Variants in CRADD observed in about 807,000 individuals in gnomAD.
CRADD encodes the protein CARD and death domain containing adaptor protein.
Under a neutral mutation model 15.5 loss-of-function variants are expected in CRADD, and 9 were observed. The observed-to-expected ratio is 0.58, with a 90% CI of 0.35 to 1.01. The LOEUF (loss-of-function observed/expected upper bound fraction) is 1.01, where lower values mean the gene tolerates loss of function less well. Ranked by LOEUF, CRADD falls within the 50% of genes least tolerant of loss-of-function variation. The probability of loss-of-function intolerance (pLI) is 0.02; values close to 1 mark genes in which losing one functional copy is unlikely to be tolerated. For synonymous variants in CRADD, 118 were observed against 107.6 expected (o/e 1.10, Z -0.60); for missense variants, 227 against 250.3 (o/e 0.91, Z 0.63).
chr12:93,694,591 A>C (rs1955655519), intron 2 of CRADD, among the ~76,000 whole-genome samples: 1 of 152,268 alleles, frequency 6.6e-6, no homozygotes, highest in East Asian at 1.9e-4. Flanking sequence ...CTACCAAAAA[A>C]CTATTAGAAC....
chr12:93,747,240 A>C (rs1266878958), intron 2 of CRADD, among the ~76,000 whole-genome samples: 1 of 152,164 alleles, frequency 6.6e-6, no homozygotes, highest in African/African-American at 2.4e-5. Flanking sequence ...GAGTGTTTCC[A>C]TCAGGCTGGA....
chr12:93,763,505 T>C (rs1956993204), intron 2 of CRADD, among the ~76,000 whole-genome samples: 1 of 152,192 alleles, frequency 6.6e-6, no homozygotes, highest in African/African-American at 2.4e-5. Flanking sequence ...TTTTCGAATC[T>C]GAAATAATGA....
At chr12:93,681,330 A>G (rs1955293174) in intron 2 of CRADD, among the ~76,000 whole-genome samples, 1 of 152,238 alleles carries the variant, frequency 6.6e-6, no homozygotes, top group South Asian at 2.1e-4. Context: ...TGGGAAAAAA[A>G]TTGAGCATAT....
At chr12:93,820,737 G>A (rs1957760531) in intron 2 of CRADD, among the ~76,000 whole-genome samples, 2 of 152,086 alleles carry the variant, frequency 1.3e-5, no homozygotes, top group African/African-American at 4.8e-5. Context: ...ACAGCAGTCG[G>A]GATGGATTTG....
intron 2 of CRADD, among the ~76,000 whole-genome samples, chr12:93,790,999 T>C (rs900869847): frequency 6.6e-6 from 1 of 151,678 alleles, no homozygotes; most frequent in African/African-American, 2.4e-5. Flanking sequence ...TGCCTTTTCA[T>C]TCATACATTG....
chr12:93,831,196 T>G (rs1008557754), intron 2 of CRADD: 3 of 153,500 alleles, frequency 2.0e-5, no homozygotes, highest in African/African-American at 7.2e-5. Flanking sequence ...TGCACTAAGT[T>G]CGGCATCAAT....
At chr12:93,684,407 A>G (rs1372115884) in intron 2 of CRADD, among the ~76,000 whole-genome samples, 1 of 152,148 alleles carries the variant, frequency 6.6e-6, no homozygotes, top group African/African-American at 2.4e-5. Flanking sequence ...CTCCTATGAG[A>G]GTCTAATGCC....
chr12:93,833,685 T>C (rs931990988), intron 2 of CRADD, among the ~76,000 whole-genome samples: 1 of 152,198 alleles, frequency 6.6e-6, no homozygotes, highest in Admixed American at 6.5e-5. Context: ...TAATTTTACC[T>C]GATTTTAACT....
At chr12:93,704,538 C>T (rs1004743407) in intron 2 of CRADD, among the ~76,000 whole-genome samples, 8 of 152,220 alleles carry the variant, frequency 5.3e-5, no homozygotes, top group African/African-American at 1.9e-4. Context: ...CCAAATCTGT[C>T]TACTTGAGTC....
intron 2 of CRADD, among the ~76,000 whole-genome samples, chr12:93,718,441 A>G (rs1956200683): frequency 6.6e-6 from 1 of 152,092 alleles, no homozygotes; most frequent in South Asian, 2.1e-4. Flanking sequence ...ATGTGTTTTT[A>G]ATTTTTAATT....
In CRADD at chr12:93,721,003, C is replaced by T. The variant is rs563960734; in HGVS notation, c.298+41931C>T. Among the ~76,000 whole-genome samples the T allele has an allele frequency of 2.6e-4, 39 of 152,160 alleles. No individual in the cohort carries two copies. The South Asian group carries it at 7.9e-3, about 31-fold the overall frequency. The stretch of plus-strand genomic sequence containing the variant: ...GTTTTTTGTTTCTATTTTTATCTTC[C>T]ACACTTTTTTGCCTTTTATGGTTTA... On this transcript the variant is annotated intron_variant, in intron 2 of 2. Transcript: ENST00000332896.
chr12:93,710,224 A>G (rs1412419340), intron 2 of CRADD, among the ~76,000 whole-genome samples: 1 of 151,938 alleles, frequency 6.6e-6, no homozygotes, highest in East Asian at 1.9e-4. Context: ...TGTGCACTAG[A>G]GTTCCTTAGT....
chr12:93,682,828 T>C (rs1348526747), intron 2 of CRADD, among the ~76,000 whole-genome samples: 2 of 152,068 alleles, frequency 1.3e-5, no homozygotes, highest in Non-Finnish European at 2.9e-5. Flanking sequence ...AAAAAAAGGT[T>C]TAAGTTGTTA....
intron 2 of CRADD, among the ~76,000 whole-genome samples, chr12:93,814,349 ACT>A (rs535892884): frequency 2.8e-4 from 43 of 152,016 alleles, no homozygotes; most frequent in South Asian, 1.9e-3. Context: ...AGCCAGCTTC[ACT>A]CTCTGTTCAT....
chr12:93,847,215 C>T lies in CRADD; in HGVS notation c.299-2755C>T, dbSNP rs532334487. 5.3e-5 allele frequency among the ~76,000 whole-genome samples: 8 copies of T among 152,180 alleles called. No individual in the cohort carries two copies. In the South Asian group the frequency reaches 1.7e-3, roughly 32 times the overall value. On this transcript the variant is annotated intron_variant, in intron 2 of 2. Coordinates refer to ENST00000332896, the MANE Select transcript of CRADD (RefSeq NM_003805.5). ...CCTCAGACAGGAAAAGCAAGTTACACAAAATACTGGATGACTAAGTTGGTA... is the reference window on the plus strand; with the variant it reads ...CCTCAGACAGGAAAAGCAAGTTACATAAAATACTGGATGACTAAGTTGGTA...
chr12:93,866,210 G>A (rs942958796), intron 2 of CRADD, among the ~76,000 whole-genome samples: 1 of 151,906 alleles, frequency 6.6e-6, no homozygotes, highest in African/African-American at 2.4e-5. Context: ...ATTATTTTTT[G>A]ATGATTTCAT....
intron 2 of CRADD, among the ~76,000 whole-genome samples, chr12:93,887,346 G>A (rs1395576315): frequency 2.0e-5 from 3 of 152,158 alleles, no homozygotes; most frequent in Non-Finnish European, 2.9e-5. Context: ...AGATATTGCC[G>A]TCGGCAGATC....
intron 2 of CRADD, among the ~76,000 whole-genome samples, chr12:93,762,641 G>A (rs1338225678): frequency 6.6e-6 from 1 of 152,142 alleles, no homozygotes; most frequent in Non-Finnish European, 1.5e-5. Flanking sequence ...GCTAACATAT[G>A]CTCAAGTTAA....
chr12:93,708,749 G>A (rs1219888258), intron 2 of CRADD: 2 of 152,262 alleles, frequency 1.3e-5, no homozygotes, highest in Non-Finnish European at 2.9e-5. Flanking sequence ...ATGGTTGAAT[G>A]TATGAATGAG....
Sources: gnomAD v4.1 joint callset for allele counts (sites outside exome capture counted in the v4.1 genomes callset) on GRCh38, gnomAD v4.1.1 for gene constraint, MANE v1.5 for transcripts, NCBI Gene and HGNC (gene_info 2026-07-23, HGNC 2026-07-21) for gene names.